The following WDR46 variants were observed in gnomAD, a reference collection of about 807,000 sequenced individuals.
The protein encoded by WDR46 is WD repeat-containing protein 46.
In WDR46, 58 loss-of-function variants were observed where a neutral mutation model predicts 74.7. The ratio of observed to expected loss-of-function variants is 0.78; its 90% CI spans 0.63 to 0.97. The LOEUF (loss-of-function observed/expected upper bound fraction) is 0.97. WDR46 is among the 50% of genes least tolerant of loss of function. The pLI, the probability that WDR46 is intolerant of heterozygous loss-of-function variation, is 0.00. For synonymous variants in WDR46, 278 were observed against 297.3 expected (o/e 0.93, Z 0.67); for missense variants, 702 against 790.1 (o/e 0.89, Z 1.34).
intron 3 of WDR46, 52 bp from the exon 4 acceptor site, chr6:33,288,522 G>A: frequency 3.1e-6 from 5 of 1,609,296 alleles, no homozygotes; most frequent in Non-Finnish European, 3.4e-6. Context: ...GGATAAGTGG[G>A]GTCACAGGAG....
At chr6:33,284,749 A>G (rs1766471020) in intron 10 of WDR46, 1 of 153,798 alleles carries the variant, frequency 6.5e-6, no homozygotes, top group South Asian at 2.1e-4. Flanking sequence ...GGTTGAAAAA[A>G]AATCAAAAGA....
chr6:33,280,335 A>T lies in WDR46; in HGVS notation c.1524+93T>A, dbSNP rs1169615139. On this transcript the variant is annotated intron_variant, in intron 12 of 14. Coordinates refer to ENST00000374617, the MANE Select transcript of WDR46 (RefSeq NM_005452.6). ...AGCAGGGGGGAACCTGACCTTCTCC[A>T]GGAAGGAGGAACCTCACCCTCTCCA... 4 of 1,364,576 alleles carry T rather than the reference A, an allele frequency of 2.9e-6. No individual in the cohort carries two copies. In the African/African-American group the frequency reaches 6.0e-5, roughly 20 times the overall value. 84.5% of individuals were successfully genotyped at this position (1,364,576 alleles called of 1,614,324 possible). A position where few individuals can be genotyped will look rare whatever the true frequency, so the allele number is the denominator to read the frequency against.
chr6:33,289,141 A>G lies in WDR46; in HGVS notation c.30T>C (p.Asp10=). ...GAAGTTTGTCTTTCTTGGGCGGGAC[A>G]TCCTTGCCCGGCTTGGGGGCTGTCT... METAPKPGK[D]VPPKKDKLQT... is the part of the protein sequence containing the mutation. Residue 10 remains aspartate, a synonymous_variant, in exon 1 of 15, where the codon GAT becomes GAC. Coordinates refer to ENST00000374617, the MANE Select transcript of WDR46 (RefSeq NM_005452.6). 6.2e-7 allele frequency: 1 copy of G among 1,613,010 alleles called. No homozygotes were observed. The highest frequency in any genetic ancestry group is 1.3e-5 in the African/African-American group (1 of 74,790).
intron 10 of WDR46, among the ~76,000 whole-genome samples, chr6:33,281,292 C>T (rs754474870): frequency 6.6e-6 from 1 of 152,122 alleles, no homozygotes; most frequent in Non-Finnish European, 1.5e-5. Context: ...CCTCTCAAGA[C>T]ACGGGCGTCA....
intron 10 of WDR46, among the ~76,000 whole-genome samples, chr6:33,283,662 G>T (rs1213018452): frequency 6.6e-6 from 1 of 152,142 alleles, no homozygotes; most frequent in Non-Finnish European, 1.5e-5. Context: ...CACTTTGGGA[G>T]GCCGAGGTGG....
At chr6:33,286,433 C>T (rs948854718) in intron 10 of WDR46, among the ~76,000 whole-genome samples, 3 of 152,072 alleles carry the variant, frequency 2.0e-5, no homozygotes, top group East Asian at 1.9e-4. Flanking sequence ...GGTGTCAGAG[C>T]GAGACTCCAT....
rs780561225 is a variant in WDR46 at position 33,286,868 on chromosome 6, T to C, written c.1042A>G (p.Met348Val). The change falls in exon 10 of 15, where the codon ATG (methionine) becomes GTG (valine). Residue 348 changes from methionine to valine, a missense_variant. By Grantham distance (21) the Met-to-Val change is conservative. Transcript: ENST00000374617. ...NGTVSLWSPA[M>V]KEPLAKILCH... ...AGAATCTTTGCCAGTGGCTCCTTCA[T>C]AGCTGGACTCCATAAAGACACAGTA... is the stretch of plus-strand genomic sequence containing the variant. The C allele has an allele frequency of 6.2e-7, 1 of 1,614,086 alleles. No individual in the cohort carries two copies. Among genetic ancestry groups the C allele is most frequent in the Admixed American group, 1.7e-5 (1 of 60,008 alleles).
intron 10 of WDR46, among the ~76,000 whole-genome samples, chr6:33,283,755 CGCATGCAGTG>C (rs1202103305): frequency 6.6e-6 from 1 of 152,080 alleles, no homozygotes; most frequent in Non-Finnish European, 1.5e-5. Flanking sequence ...CAAAAATTAG[CGCATGCAGTG>C]GCATGCACTT....
chr6:33,283,157 C>T (rs1279334981), intron 10 of WDR46, among the ~76,000 whole-genome samples: 5 of 151,566 alleles, frequency 3.3e-5, no homozygotes, highest in East Asian at 1.9e-4. Context: ...TGCAGTGAGC[C>T]GAGACCACAC....
In WDR46 at chr6:33,279,608, G is replaced by A. The variant is rs1765946279; in HGVS notation, c.1623C>T (p.Gly541=). 1 of 1,614,198 alleles carries A rather than the reference G, an allele frequency of 6.2e-7. No homozygotes were observed. Among genetic ancestry groups the A allele is most frequent in the Non-Finnish European group, 8.5e-7 (1 of 1,180,050 alleles). The change falls in exon 14 of 15, where the codon GGC becomes GGT. Residue 541 remains glycine (G), a splice_region_variant and synonymous_variant. Transcript: ENST00000374617. ...AGGGAGCCTTAGCCTGCGGGTCATA[G>A]CCCTGAGGGAGGGGACAGGAGTGAT... The part of the protein sequence containing the change: ...QGKKEQIERL[G]YDPQAKAPFQ...
Position 33,279,622 on chromosome 6 carries a change from G to C in WDR46, c.1621-12C>G, listed in dbSNP as rs376714599. ...TGCGGGTCATAGCCCTGAGGGAGGG[G>C]ACAGGAGTGATATCTGTTACAGCCT... On this transcript the variant is annotated splice_polypyrimidine_tract_variant and intron_variant, in intron 13 of 14. Coordinates refer to ENST00000374617, the MANE Select transcript of WDR46 (RefSeq NM_005452.6). 1 of 1,614,008 alleles carries C rather than the reference G, an allele frequency of 6.2e-7. No homozygotes were observed. Among genetic ancestry groups the C allele is most frequent in the Non-Finnish European group, 8.5e-7 (1 of 1,180,020 alleles).
intron 14 of WDR46, 22 bp from the exon 15 acceptor site, chr6:33,279,396 G>C (rs1373282308): frequency 6.2e-7 from 1 of 1,612,870 alleles, no homozygotes; most frequent in Non-Finnish European, 8.5e-7. Context: ...AGACGGGGAG[G>C]ACACAGGCAC....
chr6:33,287,033 A>G, intron 9 of WDR46, 58 bp downstream of exon 9: 1 of 1,595,650 alleles, frequency 6.3e-7, no homozygotes, highest in Admixed American at 1.7e-5. Flanking sequence ...CATGAAGTAC[A>G]AATATAGAAG....
At chr6:33,283,717 T>G (rs574992417) in intron 10 of WDR46, among the ~76,000 whole-genome samples, 1 of 151,910 alleles carries the variant, frequency 6.6e-6, no homozygotes, top group East Asian at 1.9e-4. Flanking sequence ...CAAGCCAACA[T>G]GGCAAAACCC....
intron 10 of WDR46, among the ~76,000 whole-genome samples, chr6:33,283,853 G>A (rs1581675099): frequency 2.0e-5 from 3 of 152,048 alleles, no homozygotes; most frequent in South Asian, 4.2e-4. Context: ...AACCGAGATC[G>A]CGCCACTGCA....
Position 33,288,832 on chromosome 6 carries a change from T to G in WDR46, c.251A>C (p.Asn84Thr). The change falls in exon 2 of 15, where the codon AAC (asparagine) becomes ACC (threonine). Residue 84 changes from asparagine to threonine, a missense_variant. By Grantham distance (65) the Asn-to-Thr change is moderately conservative (BLOSUM62 0). Transcript: ENST00000374617. ...QVPKKPREWK[N>T]PESQRGLSGT... is the part of the protein sequence containing the mutation. ...GGACAAGCCGCGCTGGGACTCCGGG[T>G]TCTTCCATTCTCGGGGTTTCTTCGG... The G allele has an allele frequency of 1.2e-6, 2 of 1,614,026 alleles. No homozygotes were observed. The highest frequency in any genetic ancestry group is 1.7e-6 in the Non-Finnish European group (2 of 1,179,998).
rs983143841 is a variant in WDR46 at position 33,287,992 on chromosome 6, T to C, written c.596A>G (p.Tyr199Cys). The part of the protein sequence containing the change: ...FDLNLRQFGP[Y>C]RLNYSRTGRH... The stretch of plus-strand genomic sequence containing the variant: ...TCCAGTTCGAGAGTAGTTTAGTCTG[T>C]AGGGTCCAAACTGCCGCAGATTCAA... The change falls in exon 6 of 15, where the codon TAC (tyrosine) becomes TGC (cysteine). Residue 199 changes from tyrosine (Y) to cysteine (C), a missense_variant. Coordinates refer to ENST00000374617, the MANE Select transcript of WDR46 (RefSeq NM_005452.6). 3 of 1,614,154 alleles carry C rather than the reference T, an allele frequency of 1.9e-6. No homozygotes were observed. The highest frequency in any genetic ancestry group is 2.2e-5 in the East Asian group (1 of 44,878).
intron 11 of WDR46, 47 bp downstream of exon 11, chr6:33,280,627 C>G: frequency 6.3e-7 from 1 of 1,596,202 alleles, no homozygotes. Context: ...GCCCAAACTT[C>G]CACCCAGAGT....
At position 33,279,384 on chromosome 6, in the gene WDR46, G is replaced by T; in HGVS notation, c.1735-10C>A. The stretch of plus-strand genomic sequence containing the variant: ...TCTGCCGGACCTTGTCCTGGGGACC[G>T]GAGACGGGGAGGACACAGGCACAGA... On this transcript the variant is annotated splice_polypyrimidine_tract_variant and intron_variant, in intron 14 of 14. Transcript: ENST00000374617. 1 of 1,613,374 alleles carries T rather than the reference G, an allele frequency of 6.2e-7. No homozygotes were observed. Among genetic ancestry groups the T allele is most frequent in the Non-Finnish European group, 8.5e-7 (1 of 1,180,048 alleles).
Sources: gnomAD v4.1 joint callset for allele counts (sites outside exome capture counted in the v4.1 genomes callset) on GRCh38, gnomAD v4.1.1 for gene constraint, MANE v1.5 for transcripts, NCBI Gene and HGNC (gene_info 2026-07-23, HGNC 2026-07-21) for gene names.